Variants in SULF1 observed in about 807,000 individuals in gnomAD.
SULF1 encodes the protein extracellular sulfatase Sulf-1.
Under a neutral mutation model 110.5 loss-of-function variants are expected in SULF1, and 46 were observed. The ratio of observed to expected loss-of-function variants is 0.42; its 90% CI spans 0.33 to 0.53. The LOEUF (loss-of-function observed/expected upper bound fraction) is 0.53. Among genes scored for constraint, SULF1 ranks in the 20% least tolerant of loss-of-function variants. The pLI is 0.12. For synonymous variants in SULF1, 371 were observed against 387.1 expected (o/e 0.96, Z 0.49); for missense variants, 941 against 1,094.2 (o/e 0.86, Z 1.98).
At chr8:69,606,893 A>C (rs1466790292) in intron 13 of SULF1, among the ~76,000 whole-genome samples, 1 of 152,212 alleles carries the variant, frequency 6.6e-6, no homozygotes, top group African/African-American at 2.4e-5. Flanking sequence ...CTCTTTTAGA[A>C]AGGCCTGAAT....
At chr8:69,629,289 C>T (rs1176582387) in intron 18 of SULF1, among the ~76,000 whole-genome samples, 1 of 152,146 alleles carries the variant, frequency 6.6e-6, no homozygotes, top group Non-Finnish European at 1.5e-5. Context: ...CCACCTTAGC[C>T]TCCCAAAGTG....
chr8:69,638,752 C>A lies in SULF1; in HGVS notation c.2445C>A (p.His815Gln). 6.2e-7 allele frequency: 1 copy of A among 1,614,090 alleles called. No homozygotes were observed. The highest frequency in any genetic ancestry group is 1.3e-5 in the African/African-American group (1 of 75,030). ...ATTCACAGCTCACAAATACAGTGCA[C>A]ACGGTAGAACGAGGCATTTTGAATC... ...TDPYQLTNTV[H>Q]TVERGILNQL... Residue 815 changes from histidine to glutamine, a missense_variant, in exon 21 of 23, where the codon CAC becomes CAA. His to Gln is a conservative substitution (Grantham distance 24). This residue lies in a region of SULF1 where 112 missense variants were observed against 133.5 expected (regional missense o/e 0.84). Transcript: ENST00000402687.
chr8:69,550,739 A>G (rs1037929625), intron 3 of SULF1, among the ~76,000 whole-genome samples: 3 of 152,200 alleles, frequency 2.0e-5, no homozygotes, highest in African/African-American at 4.8e-5. Flanking sequence ...TCAACTGGGT[A>G]TCAGACCACG....
rs192816717 is a variant in SULF1 at position 69,627,745 on chromosome 8, G to A, written c.1948-27G>A. 26 of 1,466,470 alleles carry A rather than the reference G, an allele frequency of 1.8e-5. 1 individual carries two copies. The highest frequency in any genetic ancestry group is 3.5e-5 in the Admixed American group (2 of 56,804). 90.8% of individuals were successfully genotyped at this position (1,466,470 alleles called of 1,614,324 possible). On this transcript the variant is annotated intron_variant, in intron 16 of 22. Transcript: ENST00000402687. ...GTAAAGAAAATCCTGATCTTAATAC[G>A]TAAGTGCTTGAAAACATGTTTTCCA...
chr8:69,580,248 G>A (rs1563551017), intron 6 of SULF1, among the ~76,000 whole-genome samples: 1 of 152,170 alleles, frequency 6.6e-6, no homozygotes, highest in Non-Finnish European at 1.5e-5. Context: ...ATTCTGACAA[G>A]TGAAATAGGA....
intron 3 of SULF1, among the ~76,000 whole-genome samples, chr8:69,526,849 G>T (rs1220923164): frequency 2.0e-5 from 3 of 148,330 alleles, no homozygotes; most frequent in Non-Finnish European, 4.5e-5. Flanking sequence ...AAGGGAGGAA[G>T]GAAGGAAGGA....
intron 1 of SULF1, among the ~76,000 whole-genome samples, chr8:69,483,262 AG>A (rs1809578978): frequency 6.6e-6 from 1 of 152,202 alleles, no homozygotes; most frequent in South Asian, 2.1e-4. Context: ...ATAGCTCACG[AG>A]AAACTCATAA....
chr8:69,606,238 G>A (rs1808213927), intron 13 of SULF1, among the ~76,000 whole-genome samples: 1 of 152,140 alleles, frequency 6.6e-6, no homozygotes, highest in South Asian at 2.1e-4. Context: ...GGATAGGGAG[G>A]GAGAGCTGTT....
intron 1 of SULF1, among the ~76,000 whole-genome samples, chr8:69,482,738 A>G (rs1809559440): frequency 6.6e-6 from 1 of 152,196 alleles, no homozygotes; most frequent in South Asian, 2.1e-4. Context: ...ATTTTCAAAT[A>G]CAAATTTTTA....
At chr8:69,552,868 C>T (rs143825300) in intron 3 of SULF1, among the ~76,000 whole-genome samples, 44 of 152,260 alleles carry the variant, frequency 2.9e-4, no homozygotes, top group African/African-American at 1.1e-3. Context: ...CATGACTAAG[C>T]ATCTAGAAGA....
chr8:69,611,590 C>T (rs1363817269), intron 13 of SULF1, among the ~76,000 whole-genome samples: 1 of 152,050 alleles, frequency 6.6e-6, no homozygotes, highest in Admixed American at 6.6e-5. Flanking sequence ...TTGTATATTC[C>T]CCAGTGTTAA....
intron 13 of SULF1, among the ~76,000 whole-genome samples, chr8:69,608,777 C>T (rs186215960): frequency 1.0e-3 from 157 of 152,228 alleles, no homozygotes; most frequent in African/African-American, 3.6e-3. Context: ...CAACAACCAG[C>T]GGGGACTAAT....
At position 69,616,202 on chromosome 8, in the gene SULF1, A is replaced by ATG. The variant is rs1316175180; in HGVS notation, c.1378-4825_1378-4824dup. 4.3e-5 allele frequency among the ~76,000 whole-genome samples: 6 copies of ATG among 140,592 alleles called. No individual in the cohort carries two copies. In the South Asian group the frequency reaches 7.0e-4, roughly 16 times the overall value. 92.2% of individuals were successfully genotyped at this position (140,592 alleles called of 152,430 possible). A position where few individuals can be genotyped will look rare whatever the true frequency, so the allele number is the denominator to read the frequency against. ...TATATAAATATATATACACATATAT[A>ATG]TGTGTGTGTATATATATATATATAT... is the stretch of plus-strand genomic sequence containing the variant. On this transcript the variant is annotated intron_variant, in intron 13 of 22. Coordinates refer to ENST00000402687, the MANE Select transcript of SULF1 (RefSeq NM_001128205.2).
intron 11 of SULF1, 84 bp downstream of exon 11, chr8:69,603,404 T>C: frequency 1.2e-6 from 2 of 1,601,012 alleles, no homozygotes; most frequent in Non-Finnish European, 1.7e-6. Context: ...GCTGAAGACA[T>C]GGAGGCAGAA....
intron 7 of SULF1, among the ~76,000 whole-genome samples, chr8:69,588,436 A>C (rs1048533894): frequency 2.6e-5 from 4 of 152,184 alleles, no homozygotes; most frequent in Middle Eastern, 3.4e-3. Context: ...TGTAATTCCC[A>C]CAGGTGGATT....
intron 13 of SULF1, among the ~76,000 whole-genome samples, chr8:69,616,405 G>T (rs1183755736): frequency 6.7e-6 from 1 of 149,954 alleles, no homozygotes; most frequent in Non-Finnish European, 1.5e-5. Context: ...TTTGTTTTTT[G>T]TTTGTTTGTT....
chr8:69,490,441 T>C (rs1809890392), upstream of SULF1, among the ~76,000 whole-genome samples: 1 of 152,274 alleles, frequency 6.6e-6, no homozygotes, highest in Admixed American at 6.5e-5. Flanking sequence ...TTTAAAAATT[T>C]TTTTTTAGCA....
intron 1 of SULF1, among the ~76,000 whole-genome samples, chr8:69,479,630 G>A (rs558716001): frequency 6.6e-6 from 1 of 152,252 alleles, no homozygotes; most frequent in Non-Finnish European, 1.5e-5. Flanking sequence ...AACACAGAAT[G>A]TTGGAGGCGT....
chr8:69,590,019 A>G (rs1479128158), intron 8 of SULF1, among the ~76,000 whole-genome samples: 2 of 152,108 alleles, frequency 1.3e-5, no homozygotes, highest in African/African-American at 2.4e-5. Context: ...TTCTTAATCT[A>G]TTTGTACTTA....
Sources: gnomAD v4.1 joint callset for allele counts (sites outside exome capture counted in the v4.1 genomes callset) on GRCh38, gnomAD v4.1.1 for gene constraint, gnomAD v4.1.1 regional missense constraint, MANE v1.5 for transcripts, NCBI Gene and HGNC (gene_info 2026-07-23, HGNC 2026-07-21) for gene names.